Variants in TTC16 observed in about 807,000 individuals in gnomAD.
TTC16 encodes the protein tetratricopeptide repeat domain 16.
TTC16 carries 66 observed loss-of-function variants against 80.4 expected under a neutral mutation model. That is an observed-to-expected ratio of 0.82 (90% CI 0.67 to 1.01). TTC16 has a LOEUF of 1.01. Among genes scored for constraint, TTC16 ranks in the 50% least tolerant of loss-of-function variants. TTC16 has a pLI of 0.00. For synonymous variants in TTC16, 438 were observed against 451.3 expected, an observed-to-expected ratio of 0.97 and a Z score of 0.37; for missense variants, 1,070 against 1,103.2, an observed-to-expected ratio of 0.97 and a Z score of 0.43.
At position 127,727,051 on chromosome 9, in the gene TTC16, C is replaced by G. The variant is rs760721574; in HGVS notation, c.1507C>G (p.Leu503Val). ...LSTQIAHLAR[L>V]QLEQMVEGSL... Reference sequence around the variant, plus strand: ...CACCCAGATAGCCCACCTGGCCAGGCTGCAGCTGGAGCAGATGGTGGAGGG... The same window carrying G: ...CACCCAGATAGCCCACCTGGCCAGGGTGCAGCTGGAGCAGATGGTGGAGGG... The change falls in exon 11 of 14, where the codon CTG becomes GTG. Residue 503 changes from leucine to valine, a missense_variant. Physicochemically the swap from Leu to Val is conservative, Grantham distance 32. Transcript: ENST00000373289. 5 of 1,612,342 alleles carry G rather than the reference C, an allele frequency of 3.1e-6. No individual in the cohort carries two copies. Among genetic ancestry groups the G allele is most frequent in the Admixed American group, 1.7e-5 (1 of 60,004 alleles).
chr9:127,723,014 G>A, intron 6 of TTC16, 105 bp from the exon 7 acceptor site: 1 of 1,114,044 alleles, frequency 9.0e-7, no homozygotes, highest in Non-Finnish European at 1.3e-6. Context: ...GGGATGTGAG[G>A]GGCACGGAGG....
At chr9:127,725,776 T>C (rs2481059) in intron 9 of TTC16, among the ~76,000 whole-genome samples, 65 of 151,914 alleles carry the variant, frequency 4.3e-4, no homozygotes, top group African/African-American at 8.7e-4. Flanking sequence ...ATTTTTGTAT[T>C]TTTAGTAGAG....
intron 12 of TTC16, chr9:127,729,304 C>T (rs902192441): frequency 4.9e-6 from 2 of 406,772 alleles, no homozygotes; most frequent in Non-Finnish European, 9.1e-6. Context: ...CTGTTCCACA[C>T]CTGAACTAAT....
At position 127,719,409 on chromosome 9, in the gene TTC16, C is replaced by T. The variant is rs190531415; in HGVS notation, c.427-669C>T. Reference sequence around the variant, plus strand: ...GCCAGTGAGAAAACAAGTTCAAGTTCTTAGCACAGGGCTCAGCACCCAGGG... The same window carrying T: ...GCCAGTGAGAAAACAAGTTCAAGTTTTTAGCACAGGGCTCAGCACCCAGGG... On this transcript the variant is annotated intron_variant, in intron 4 of 13. Transcript: ENST00000373289. Among the ~76,000 whole-genome samples the T allele has an allele frequency of 1.1e-3, 166 of 152,306 alleles. 1 individual carries two copies. Among genetic ancestry groups the T allele is most frequent in the Non-Finnish European group, 1.9e-3 (129 of 68,022 alleles).
Position 127,730,820 on chromosome 9 carries a change from G to A in TTC16, c.2037G>A (p.Arg679=). Residue 679 remains arginine, a synonymous_variant, in exon 14 of 14, where the codon AGG becomes AGA. Transcript: ENST00000373289. ...PRKIKATQGQ[R]QSLSKTEPTQ... ...AAATCAAGGCCACCCAGGGCCAGAGGCAGAGCCTTAGCAAGACTGAGCCCA... is the reference window on the plus strand; with the variant it reads ...AAATCAAGGCCACCCAGGGCCAGAGACAGAGCCTTAGCAAGACTGAGCCCA... 1 of 1,613,472 alleles carries A rather than the reference G, an allele frequency of 6.2e-7. No homozygotes were observed. Among genetic ancestry groups the A allele is most frequent in the Non-Finnish European group, 8.5e-7 (1 of 1,179,936 alleles).
Position 127,730,782 on chromosome 9 carries a change from C to T in TTC16, c.1999C>T (p.His667Tyr). ...TGGGAACAACAGGGAGGCACTAAGC[C>T]ATGGTCCCAGAAAAATCAAGGCCAC... ...DSGNNREALS[H>Y]GPRKIKATQG... Residue 667 changes from histidine (H) to tyrosine (Y), a missense_variant, in exon 14 of 14, where the codon CAT becomes TAT. By Grantham distance (83) the His-to-Tyr change is moderately conservative. Transcript: ENST00000373289. 6.2e-7 allele frequency: 1 copy of T among 1,613,802 alleles called. No individual in the cohort carries two copies. Among genetic ancestry groups the T allele is most frequent in the Non-Finnish European group, 8.5e-7 (1 of 1,180,042 alleles).
At position 127,723,004 on chromosome 9, in the gene TTC16, G is replaced by A. The variant is rs953952434; in HGVS notation, c.658-115G>A. Reference sequence around the variant, plus strand: ...AAAAGCAGAAAGGGTGGAACATGGAGGGATGTGAGGGGCACGGAGGAGGCA... The same window carrying A: ...AAAAGCAGAAAGGGTGGAACATGGAAGGATGTGAGGGGCACGGAGGAGGCA... On this transcript the variant is annotated intron_variant, in intron 6 of 13. Coordinates refer to ENST00000373289, the MANE Select transcript of TTC16 (RefSeq NM_144965.3). The A allele has an allele frequency of 1.4e-5, 14 of 968,236 alleles. No individual in the cohort carries two copies. The Admixed American group carries it at 3.0e-4, about 21-fold the overall frequency. 60.0% of individuals were successfully genotyped at this position (968,236 alleles called of 1,614,324 possible).
intron 1 of TTC16, chr9:127,716,476 G>T: frequency 1.8e-6 from 1 of 549,684 alleles, no homozygotes; most frequent in South Asian, 2.2e-5. Context: ...TTACCCAAGG[G>T]ACTGTAGGAC....
Position 127,724,594 on chromosome 9 carries a change from G to A in TTC16, c.1118-162G>A, listed in dbSNP as rs901412392. The A allele has an allele frequency of 5.2e-6, 6 of 1,148,102 alleles. No individual in the cohort carries two copies. The African/African-American group carries it at 7.8e-5, about 15-fold the overall frequency. 71.1% of individuals were successfully genotyped at this position (1,148,102 alleles called of 1,614,324 possible). A position where few individuals can be genotyped will look rare whatever the true frequency, so the allele number is the denominator to read the frequency against. On this transcript the variant is annotated intron_variant, in intron 8 of 13. Coordinates refer to ENST00000373289, the MANE Select transcript of TTC16 (RefSeq NM_144965.3). ...AAAATGCTCAAAACAGGCAGCTGGG[G>A]AACAGTGCCCAGACGCCCAGAAAAC...
chr9:127,726,803 AAAAAAAAAAAAAAAAAAAC>A (rs1399666456), intron 10 of TTC16, among the ~76,000 whole-genome samples, 148 bp from the exon 11 acceptor site: 2 of 20,670 alleles, frequency 9.7e-5, no homozygotes, highest in Non-Finnish European at 1.7e-4. Context: ...AAAAAAAAAA[AAAAAAAAAAAAAAAAAAAC>A]AAACAAGCAA....
chr9:127,717,251 C>T, intron 2 of TTC16, 83 bp from the exon 3 acceptor site: 3 of 1,426,450 alleles, frequency 2.1e-6, no homozygotes, highest in Non-Finnish European at 1.9e-6. Context: ...TCCCTTGCTT[C>T]CCACAACCCC....
At chr9:127,717,544 A>G (rs1843138555) in intron 3 of TTC16, 85 bp from the exon 4 acceptor site, 6 of 1,580,172 alleles carry the variant, frequency 3.8e-6, no homozygotes, top group Middle Eastern at 1.7e-4. Flanking sequence ...TTGGATGTCA[A>G]CTCTCAGGGG....
rs1843713497 is a variant in TTC16 at position 127,724,111 on chromosome 9, C to CA, written c.873-9_873-8insA. 6.3e-7 allele frequency: 1 copy of CA among 1,598,780 alleles called. No individual in the cohort carries two copies. Among genetic ancestry groups the CA allele is most frequent in the Admixed American group, 1.7e-5 (1 of 59,014 alleles). On this transcript the variant is annotated splice_polypyrimidine_tract_variant and intron_variant, in intron 7 of 13. Coordinates refer to ENST00000373289, the MANE Select transcript of TTC16 (RefSeq NM_144965.3). Reference sequence around the variant, plus strand: ...TCCCTCCTGCCGTCTCCCACGCCCCCCCCGACAGGGGCACCATGTACCGAC... The same window carrying CA: ...TCCCTCCTGCCGTCTCCCACGCCCCCACCCGACAGGGGCACCATGTACCGAC...
rs1022694495 is a variant in TTC16, at chr9:127,730,620, G to T, written c.1853-16G>T. The T allele has an allele frequency of 6.2e-7, 1 of 1,607,700 alleles. No homozygotes were observed. Among genetic ancestry groups the T allele is most frequent in the South Asian group, 1.1e-5 (1 of 90,802 alleles). ...TGCGGCAGGCCTGATGGGTGCTTTT[G>T]GCACCCCCTTCCTAGTCAGGACCAC... On this transcript the variant is annotated splice_polypyrimidine_tract_variant and intron_variant, in intron 13 of 13. Coordinates refer to ENST00000373289, the MANE Select transcript of TTC16 (RefSeq NM_144965.3).
rs1475771501 is a variant in TTC16, at chr9:127,718,636, C to T, written c.426+864C>T. Among the ~76,000 whole-genome samples the T allele has an allele frequency of 2.6e-4, 39 of 151,762 alleles. No homozygotes were observed. Among genetic ancestry groups the T allele is most frequent in the Non-Finnish European group, 4.4e-4 (30 of 67,940 alleles). On this transcript the variant is annotated intron_variant, in intron 4 of 13. Coordinates refer to ENST00000373289, the MANE Select transcript of TTC16 (RefSeq NM_144965.3). This position sits in a 1 kb window ranked among gnomAD's most constrained non-coding sequence, Gnocchi z 4.6. ...CTGAGATGGAGTCTTGCTCTGTCAC[C>T]GAGGCTGGAGCGCAATGGCGCAATC... is the stretch of plus-strand genomic sequence containing the variant.
intron 11 of TTC16, 61 bp from the exon 12 acceptor site, chr9:127,727,209 C>A: frequency 6.5e-7 from 1 of 1,529,314 alleles, no homozygotes. Context: ...GTTGTCTAGT[C>A]CTTGGAGAGA....
In TTC16 at chr9:127,722,497, C is replaced by T. The variant is rs1034900377; in HGVS notation, c.658-622C>T. On this transcript the variant is annotated intron_variant, in intron 6 of 13. Transcript: ENST00000373289. The surrounding 1 kb of genome is among the most constrained non-coding windows in gnomAD (Gnocchi z 4.2). ...CACAACCGTCACAGTCAGGAGGTCACATGCTCCCCGCACCTTGAGTGGGCT... is the reference window on the plus strand; with the variant it reads ...CACAACCGTCACAGTCAGGAGGTCATATGCTCCCCGCACCTTGAGTGGGCT... Among the ~76,000 whole-genome samples, 6 of 152,130 alleles carry T rather than the reference C, an allele frequency of 3.9e-5. No individual in the cohort carries two copies. Among genetic ancestry groups the T allele is most frequent in the Non-Finnish European group, 8.8e-5 (6 of 68,032 alleles).
At position 127,720,194 on chromosome 9, in the gene TTC16, A is replaced by G; in HGVS notation, c.527+16A>G. On this transcript the variant is annotated intron_variant, in intron 5 of 13. Transcript: ENST00000373289. The stretch of plus-strand genomic sequence containing the variant: ...GTTACCGATGGTGAGTGCCCCTGCC[A>G]GCCCCTTCTCCCAGCACCCACTTCC... 3 of 1,613,566 alleles carry G rather than the reference A, an allele frequency of 1.9e-6. No individual in the cohort carries two copies. Among genetic ancestry groups the G allele is most frequent in the South Asian group, 1.1e-5 (1 of 91,084 alleles).
Position 127,729,581 on chromosome 9 carries a change from G to A in TTC16, c.1765G>A (p.Glu589Lys), listed in dbSNP as rs1475695088. ...EEEKEKEKKE[E>K]KKSELIPSKV... ...CTACAAAGCCTGTTTCTTGCCATAG[G>A]AGAAAAAATCAGAGCTCATACCTAG... is the stretch of plus-strand genomic sequence containing the variant. The change falls in exon 13 of 14, where the codon GAG (glutamate) becomes AAG (lysine). Residue 589 changes from glutamate to lysine, a missense_variant and splice_region_variant. Transcript: ENST00000373289. 1 of 1,613,680 alleles carries A rather than the reference G, an allele frequency of 6.2e-7. No individual in the cohort carries two copies. The highest frequency in any genetic ancestry group is 8.5e-7 in the Non-Finnish European group (1 of 1,179,914).
Sources: gnomAD v4.1 joint callset for allele counts (sites outside exome capture counted in the v4.1 genomes callset) on GRCh38, gnomAD v4.1.1 for gene constraint, Gnocchi (gnomAD v3.1) non-coding constraint, MANE v1.5 for transcripts, NCBI Gene and HGNC (gene_info 2026-07-23, HGNC 2026-07-21) for gene names.